The following FRMD4A variants were observed in gnomAD, a reference collection of about 807,000 sequenced individuals.
The protein encoded by FRMD4A is FERM domain containing 4A.
In FRMD4A, 29 loss-of-function variants were observed where a neutral mutation model predicts 129.1. The ratio of observed to expected loss-of-function variants is 0.22; its 90% CI spans 0.17 to 0.31. FRMD4A has a LOEUF of 0.31. Ranked by LOEUF, FRMD4A falls within the 10% of genes least tolerant of loss-of-function variation. FRMD4A has a pLI of 1.00. For missense variants in FRMD4A, 1,272 were observed against 1,375.8 expected (o/e 0.92, Z 1.19); for synonymous variants, 634 against 571.6 (o/e 1.11, Z -1.56).
intron 2 of FRMD4A, among the ~76,000 whole-genome samples, chr10:13,967,340 G>GA (rs1214348518): frequency 1.0e-3 from 145 of 144,186 alleles, no homozygotes; most frequent in Non-Finnish European, 1.4e-3. Flanking sequence ...CCGTCTCAAA[G>GA]AAAAAAAAAA....
intron 3 of FRMD4A, among the ~76,000 whole-genome samples, chr10:13,853,162 G>GA (rs1192286823): frequency 1.3e-5 from 2 of 152,182 alleles, no homozygotes; most frequent in Non-Finnish European, 2.9e-5. Context: ...CAGCTCCCTG[G>GA]AGAAAGCAAG....
In FRMD4A at chr10:14,269,328, G is replaced by A. The variant is rs143461727; in HGVS notation, c.45+60730C>T. ...TGTCTACTGCTGCTGTAAAAAATTC[G>A]TACGAGTTTAGCAGCTTAAACAACC... On this transcript the variant is annotated intron_variant, in intron 2 of 24. Coordinates refer to ENST00000357447, the MANE Select transcript of FRMD4A (RefSeq NM_018027.5). Among the ~76,000 whole-genome samples the A allele has an allele frequency of 2.9e-3, 443 of 152,228 alleles. 3 individuals are homozygous for A. The highest frequency in any genetic ancestry group is 0.011 in the Admixed American group (166 of 15,290).
chr10:13,971,977 T>C, intron 2 of FRMD4A: 1 of 1,188,230 alleles, frequency 8.4e-7, no homozygotes. Flanking sequence ...ACCACCACCC[T>C]CACTAATCCT....
At chr10:13,974,340 G>T (rs927295010) in intron 2 of FRMD4A, among the ~76,000 whole-genome samples, 1 of 152,090 alleles carries the variant, frequency 6.6e-6, no homozygotes, top group African/African-American at 2.4e-5. Context: ...CCATTTGCGG[G>T]GATGAGTGGC....
chr10:14,138,235 G>T (rs955446453), intron 2 of FRMD4A, among the ~76,000 whole-genome samples: 1 of 152,160 alleles, frequency 6.6e-6, no homozygotes, highest in African/African-American at 2.4e-5. Context: ...TAACACCAAG[G>T]TGACCAAGAC....
intron 2 of FRMD4A, among the ~76,000 whole-genome samples, chr10:13,986,349 G>A (rs979323114): frequency 1.3e-5 from 2 of 151,430 alleles, no homozygotes; most frequent in Non-Finnish European, 2.9e-5. Flanking sequence ...CCTTTGTAGG[G>A]ACATGGATGA....
rs1564739387 is a variant in FRMD4A, at chr10:13,750,112, G to GAAAGAAAGAAAT, written c.465-2294_465-2293insATTTCTTTCTTT. Among the ~76,000 whole-genome samples, 649 of 74,616 alleles carry GAAAGAAAGAAAT rather than the reference G, an allele frequency of 8.7e-3. 9 individuals carry two copies. The highest frequency in any genetic ancestry group is 0.024 in the African/African-American group (615 of 26,126). The allele number at this position is 74,616 out of a possible 152,430, so 49.0% of individuals were successfully genotyped here. A position where few individuals can be genotyped will look rare whatever the true frequency, so the allele number is the denominator to read the frequency against. On this transcript the variant is annotated intron_variant, in intron 8 of 24. Transcript: ENST00000357447. ...AGAAAGAAAGAAAGAAAGAAATGAA[G>GAAAGAAAGAAAT]AAAGAAAGAAAGAAAGAAAGAAAGA...
chr10:14,284,316 G>GGTAA (rs1845612732), intron 2 of FRMD4A, among the ~76,000 whole-genome samples: 1 of 152,086 alleles, frequency 6.6e-6, no homozygotes, highest in Non-Finnish European at 1.5e-5. Flanking sequence ...TAGTGATGGT[G>GGTAA]GTAACTGAAA....
Position 14,201,253 on chromosome 10 carries a change from G to C in FRMD4A, c.45+128805C>G, listed in dbSNP as rs192206879. On this transcript the variant is annotated intron_variant, in intron 2 of 24. Transcript: ENST00000357447. ...CCAGTCCTTGGAGTAGCTGCTTCCT[G>C]CAACAGCGGCCTCTTTGATTCCCTG... is the stretch of plus-strand genomic sequence containing the variant. Among the ~76,000 whole-genome samples the C allele has an allele frequency of 1.2e-4, 18 of 152,294 alleles. No homozygotes were observed. The East Asian group carries it at 3.5e-3, about 29-fold the overall frequency.
chr10:14,179,756 G>C (rs560602385), intron 2 of FRMD4A, among the ~76,000 whole-genome samples: 1 of 152,174 alleles, frequency 6.6e-6, no homozygotes, highest in Non-Finnish European at 1.5e-5. Flanking sequence ...AGAATGGGCC[G>C]GGCGCGGTGG....
At chr10:14,016,655 C>A (rs764558128) in intron 2 of FRMD4A, among the ~76,000 whole-genome samples, 43 of 152,064 alleles carry the variant, frequency 2.8e-4, no homozygotes, top group Admixed American at 8.5e-4. Context: ...ATTAATTCAC[C>A]CAGGTTAAGA....
chr10:13,964,674 G>GC (rs1167014483), intron 2 of FRMD4A, among the ~76,000 whole-genome samples: 8 of 128,292 alleles, frequency 6.2e-5, no homozygotes, highest in Non-Finnish European at 1.4e-4. Context: ...CTCTTCTTTT[G>GC]TTTTTTTTTT....
At chr10:14,021,775 A>G (rs57716498) in intron 2 of FRMD4A, among the ~76,000 whole-genome samples, 2,320 of 152,160 alleles carry the variant, frequency 0.015, 61 homozygotes, top group African/African-American at 0.053. Context: ...TGTTTTATGG[A>G]CTTTTGTGCA....
chr10:13,653,063 T>TCCCCA (rs149709087), intron 23 of FRMD4A: 2 of 152,288 alleles, frequency 1.3e-5, no homozygotes, highest in East Asian at 1.9e-4. Context: ...ATCTGGGTAT[T>TCCCCA]TCCCCCGCAA....
At chr10:14,213,798 T>C (rs961217901) in intron 2 of FRMD4A, among the ~76,000 whole-genome samples, 5 of 152,220 alleles carry the variant, frequency 3.3e-5, no homozygotes, top group Non-Finnish European at 7.3e-5. Context: ...GGGAGGGACC[T>C]GATGGGAAGT....
rs967675133 is a variant in FRMD4A, at chr10:14,261,778, A to G, written c.45+68280T>C. Among the ~76,000 whole-genome samples, 4 of 152,154 alleles carry G rather than the reference A, an allele frequency of 2.6e-5. No homozygotes were observed. The South Asian group carries it at 8.3e-4, about 32-fold the overall frequency. The stretch of plus-strand genomic sequence containing the variant: ...TGTCTATAACCTGAGAGGGAGAGAC[A>G]GGAGGGATCGTTTTTTCCTCCTAAC... On this transcript the variant is annotated intron_variant, in intron 2 of 24. Coordinates refer to ENST00000357447, the MANE Select transcript of FRMD4A (RefSeq NM_018027.5).
chr10:13,867,484 C>A (rs2131069924), intron 2 of FRMD4A, among the ~76,000 whole-genome samples: 1 of 149,648 alleles, frequency 6.7e-6, no homozygotes, highest in East Asian at 1.9e-4. Flanking sequence ...TGCTCTTGAA[C>A]TCCTGGGCTC....
chr10:14,245,083 G>C (rs1844184484), intron 2 of FRMD4A, among the ~76,000 whole-genome samples: 1 of 152,212 alleles, frequency 6.6e-6, no homozygotes, highest in Non-Finnish European at 1.5e-5. Flanking sequence ...TTTTCAAGCT[G>C]TGAAATGGGA....
chr10:14,086,234 G>A (rs560337209), intron 2 of FRMD4A, among the ~76,000 whole-genome samples: 4 of 152,240 alleles, frequency 2.6e-5, no homozygotes, highest in African/African-American at 9.6e-5. Flanking sequence ...AGCTTATTGA[G>A]GTTTCTACCC....
Sources: allele counts gnomAD v4.1 joint callset (sites outside exome capture counted in the v4.1 genomes callset), GRCh38; gene constraint gnomAD v4.1.1; transcripts MANE v1.5; gene names NCBI Gene and HGNC (gene_info 2026-07-23, HGNC 2026-07-21).